The following PECAM1 variants were observed in gnomAD, a reference collection of about 807,000 sequenced individuals.
The protein encoded by PECAM1 is platelet and endothelial cell adhesion molecule 1.
Under a neutral mutation model 13.8 loss-of-function variants are expected in PECAM1, and 8 were observed. The ratio of observed to expected loss-of-function variants is 0.58; its 90% CI spans 0.34 to 1.05. The LOEUF (loss-of-function observed/expected upper bound fraction) is 1.05, where lower values mean the gene tolerates loss of function less well. Among genes scored for constraint, PECAM1 ranks in the 50% least tolerant of loss-of-function variants. PECAM1 has a pLI of 0.03. For missense variants in PECAM1, 304 were observed against 141.2 expected (o/e 2.15, Z -5.84); for synonymous variants, 136 against 52.6 (o/e 2.58, Z -6.86).
chr17:64,344,325 C>G (rs2035509678), intron 13 of PECAM1, among the ~76,000 whole-genome samples: 1 of 152,124 alleles, frequency 6.6e-6, no homozygotes, highest in Non-Finnish European at 1.5e-5. Context: ...CAGCTGCTTG[C>G]TAATGAGTAA....
In PECAM1 at chr17:64,320,570, T is replaced by C. The variant is rs1439107721; in HGVS notation, c.*3246A>G. On this transcript the variant is annotated 3_prime_UTR_variant, in exon 16 of 16. Coordinates refer to ENST00000563924, the MANE Select transcript of PECAM1 (RefSeq NM_000442.5). ...CCCCAAAGTCTGTGTTGGAAGCCCCTCCCATGTGCCCTTGTTTGAGCTTTT... is the reference window on the plus strand; with the variant it reads ...CCCCAAAGTCTGTGTTGGAAGCCCCCCCCATGTGCCCTTGTTTGAGCTTTT... 1 of 152,490 alleles carries C rather than the reference T, an allele frequency of 6.6e-6. No individual in the cohort carries two copies. Among genetic ancestry groups the C allele is most frequent in the African/African-American group, 2.4e-5 (1 of 41,452 alleles). 9.4% of individuals were successfully genotyped at this position (152,490 alleles called of 1,614,324 possible). A position where few individuals can be genotyped will look rare whatever the true frequency, so the allele number is the denominator to read the frequency against.
intron 2 of PECAM1, among the ~76,000 whole-genome samples, chr17:64,383,089 T>G (rs1287370820): frequency 6.6e-6 from 1 of 152,130 alleles, no homozygotes; most frequent in Non-Finnish European, 1.5e-5. Flanking sequence ...CAGGTTAATT[T>G]AAAGCGACTT....
chr17:64,384,907 C>G (rs2036560659), intron 2 of PECAM1, among the ~76,000 whole-genome samples: 1 of 152,220 alleles, frequency 6.6e-6, no homozygotes. Context: ...ATATGGAAAA[C>G]ATTATCATCT....
intron 2 of PECAM1, among the ~76,000 whole-genome samples, chr17:64,387,565 G>T (rs1255262864): frequency 1.3e-5 from 2 of 152,298 alleles, no homozygotes; most frequent in Admixed American, 1.3e-4. Flanking sequence ...GCACGTAGGC[G>T]TGGGGTCCTG....
chr17:64,322,957 T>A lies in PECAM1; in HGVS notation c.*859A>T. On this transcript the variant is annotated 3_prime_UTR_variant, in exon 16 of 16. Coordinates refer to ENST00000563924, the MANE Select transcript of PECAM1 (RefSeq NM_000442.5). Reference sequence around the variant, plus strand: ...CCTGACCTCAGGTGATCCGCCCACCTCAGCCTCCTGAAGTGCTGGGATTAC... The same window carrying A: ...CCTGACCTCAGGTGATCCGCCCACCACAGCCTCCTGAAGTGCTGGGATTAC... The A allele has an allele frequency of 1.4e-6, 1 of 707,242 alleles. No individual in the cohort carries two copies. Among genetic ancestry groups the A allele is most frequent in the Non-Finnish European group, 1.7e-6 (1 of 575,834 alleles). 43.8% of individuals were successfully genotyped at this position (707,242 alleles called of 1,614,324 possible). A position where few individuals can be genotyped will look rare whatever the true frequency, so the allele number is the denominator to read the frequency against.
intron 6 of PECAM1, among the ~76,000 whole-genome samples, chr17:64,361,519 C>T (rs1346173743): frequency 6.6e-6 from 1 of 151,662 alleles, no homozygotes; most frequent in African/African-American, 2.4e-5. Flanking sequence ...TTTGGGAGGC[C>T]GAGGTGGGCA....
At chr17:64,347,071 T>G (rs7405936) in intron 13 of PECAM1, among the ~76,000 whole-genome samples, 120,812 of 152,156 alleles carry the variant, frequency 0.79, 54,255 homozygotes, top group East Asian at 1. Context: ...GTATCATAAC[T>G]AATAATTATC....
In PECAM1 at chr17:64,356,218, G is replaced by A; in HGVS notation, c.1673C>T (p.Thr558Ile). 2.1e-6 allele frequency: 1 copy of A among 474,818 alleles called. No homozygotes were observed. The highest frequency in any genetic ancestry group is 3.9e-6 in the Non-Finnish European group (1 of 258,998). 29.4% of individuals were successfully genotyped at this position (474,818 alleles called of 1,614,324 possible). ...MTSNATQAFW[T>I]KQKASKEQEG... ...CTGTTCCTTGCTAGCCTTCTGCTTG[G>A]TCCAAAATGCCTGGGTGGCATTTGA... is the stretch of plus-strand genomic sequence containing the variant. The change falls in exon 8 of 16, where the codon ACC becomes ATC. Residue 558 changes from threonine (T) to isoleucine (I), a missense_variant. Thr to Ile is a moderately conservative substitution (Grantham distance 89, BLOSUM62 -1). Coordinates refer to ENST00000563924, the MANE Select transcript of PECAM1 (RefSeq NM_000442.5).
intron 5 of PECAM1, among the ~76,000 whole-genome samples, chr17:64,363,837 G>A (rs987295571): frequency 5.3e-5 from 8 of 151,938 alleles, no homozygotes; most frequent in East Asian, 3.9e-4. Flanking sequence ...CCAGATACTT[G>A]GGAGGCTGAG....
chr17:64,332,841 G>A (rs565483075), intron 14 of PECAM1, among the ~76,000 whole-genome samples: 1 of 152,348 alleles, frequency 6.6e-6, no homozygotes, highest in South Asian at 2.1e-4. Flanking sequence ...CTGGAAGTCT[G>A]AATTCCAGGC....
At chr17:64,340,391 C>A (rs1233350867) in intron 14 of PECAM1, among the ~76,000 whole-genome samples, 1 of 151,990 alleles carries the variant, frequency 6.6e-6, no homozygotes, top group East Asian at 1.9e-4. Flanking sequence ...CCACGCCTAG[C>A]CTGAGTAGCC....
chr17:64,363,579 T>C (rs1041668265), intron 5 of PECAM1, among the ~76,000 whole-genome samples, 182 bp from the exon 6 acceptor site: 52 of 152,184 alleles, frequency 3.4e-4, no homozygotes, highest in Non-Finnish European at 5.4e-4. Flanking sequence ...GGTTCATTCT[T>C]TGCCTAGGAT....
intron 6 of PECAM1, among the ~76,000 whole-genome samples, chr17:64,361,129 A>ATGTGTG (rs145637288): frequency 0.084 from 11,491 of 136,962 alleles, 616 homozygotes; most frequent in Non-Finnish European, 0.11. Context: ...CTGAGCATAT[A>ATGTGTG]TGTGTGTGTG....
intron 3 of PECAM1, chr17:64,377,616 G>GT: frequency 5.5e-6 from 2 of 366,744 alleles, no homozygotes; most frequent in Non-Finnish European, 9.7e-6. Flanking sequence ...ATCAAAGAAA[G>GT]AAAGGAAGGA....
chr17:64,335,017 C>T (rs1204744728), intron 14 of PECAM1, among the ~76,000 whole-genome samples: 6 of 152,034 alleles, frequency 3.9e-5, no homozygotes, highest in Admixed American at 6.6e-5. Context: ...TCTCAAAGCC[C>T]GGGCCCCAGC....
chr17:64,352,673 T>C (rs1421019678), intron 10 of PECAM1, among the ~76,000 whole-genome samples: 7 of 134,296 alleles, frequency 5.2e-5, no homozygotes, highest in African/African-American at 1.1e-4. Flanking sequence ...TTTTTTTTTT[T>C]AGACAGAGTC....
At chr17:64,366,050 G>A (rs1199939580) in intron 5 of PECAM1, among the ~76,000 whole-genome samples, 1 of 151,390 alleles carries the variant, frequency 6.6e-6, no homozygotes, top group African/African-American at 2.4e-5. Context: ...TACAAAATGG[G>A]AGAAAATTTT....
At chr17:64,347,547 AT>A (rs2035603533) in intron 13 of PECAM1, among the ~76,000 whole-genome samples, 17 of 119,058 alleles carry the variant, frequency 1.4e-4, no homozygotes, top group African/African-American at 7.0e-4. Flanking sequence ...AAAAAAAAAT[AT>A]ATATATATAT....
intron 8 of PECAM1, 86 bp downstream of exon 8, chr17:64,356,025 C>A (rs1450263692): frequency 4.0e-5 from 19 of 472,710 alleles, no homozygotes; most frequent in Middle Eastern, 1.2e-3. Flanking sequence ...CTAGACTCCC[C>A]CCCAACTCCC....
Sources: allele counts gnomAD v4.1 joint callset (sites outside exome capture counted in the v4.1 genomes callset), GRCh38; gene constraint gnomAD v4.1.1; transcripts MANE v1.5; gene names NCBI Gene and HGNC (gene_info 2026-07-23, HGNC 2026-07-21).